The following NTM variants were observed in gnomAD, a reference collection of about 807,000 sequenced individuals.
NTM encodes the protein neurotrimin, also known as IgLON family member 2.
A neutral mutation model predicts 42.1 loss-of-function variants in NTM; 13 were observed. That is an observed-to-expected ratio of 0.31 (90% CI 0.20 to 0.49). The LOEUF (loss-of-function observed/expected upper bound fraction) is 0.49. Among genes scored for constraint, NTM ranks in the 20% least tolerant of loss-of-function variants. The pLI is 0.99. For synonymous variants in NTM, 187 were observed against 179.2 expected, an observed-to-expected ratio of 1.04 and a Z score of -0.35; for missense variants, 373 against 452.8, an observed-to-expected ratio of 0.82 and a Z score of 1.60.
chr11:132,170,275 A>T (rs1018132709), intron 3 of NTM, among the ~76,000 whole-genome samples: 1 of 152,244 alleles, frequency 6.6e-6, no homozygotes, highest in Non-Finnish European at 1.5e-5. Context: ...GGTCATGGGG[A>T]TTCCAGATCA....
intron 1 of NTM, among the ~76,000 whole-genome samples, chr11:131,613,531 C>T (rs572509574): frequency 9.9e-5 from 15 of 152,100 alleles, no homozygotes; most frequent in Non-Finnish European, 2.2e-4. Flanking sequence ...TATGATAAGA[C>T]GGGCGCTTCT....
chr11:131,647,063 C>T (rs1292271207), intron 1 of NTM, among the ~76,000 whole-genome samples: 2 of 152,130 alleles, frequency 1.3e-5, no homozygotes, highest in African/African-American at 2.4e-5. Context: ...CTCTTCGTAC[C>T]CTGGCTGTGC....
chr11:131,578,595 C>T (rs2058132374), intron 1 of NTM, among the ~76,000 whole-genome samples: 1 of 152,100 alleles, frequency 6.6e-6, no homozygotes, highest in Admixed American at 6.5e-5. Flanking sequence ...GAGAGTATGG[C>T]TTTTAAGGGC....
chr11:132,211,865 AC>A lies in NTM; in HGVS notation c.401-156del, dbSNP rs886766958. Reference sequence around the variant, plus strand: ...AAATCAAAGCTAAATTAAAGGTAAGACTTTTTTATGTTTAAGGTAATTCCTC... The same window carrying A: ...AAATCAAAGCTAAATTAAAGGTAAGATTTTTTATGTTTAAGGTAATTCCTC... On this transcript the variant is annotated intron_variant, in intron 3 of 8. Transcript: ENST00000683400. 3.2e-5 allele frequency: 19 copies of A among 594,356 alleles called. No individual in the cohort carries two copies. The African/African-American group carries it at 3.5e-4, about 11-fold the overall frequency. 36.8% of individuals were successfully genotyped at this position (594,356 alleles called of 1,614,324 possible). A position where few individuals can be genotyped will look rare whatever the true frequency, so the allele number is the denominator to read the frequency against.
At chr11:132,217,225 G>A (rs1210134500) in intron 4 of NTM, among the ~76,000 whole-genome samples, 2 of 152,044 alleles carry the variant, frequency 1.3e-5, no homozygotes, top group East Asian at 3.9e-4. Flanking sequence ...TATTTCAACT[G>A]TATATGAAAA....
At chr11:132,306,202 G>T (rs1276129483) in intron 4 of NTM, 3 of 152,128 alleles carry the variant, frequency 2.0e-5, no homozygotes, top group Non-Finnish European at 4.4e-5. Flanking sequence ...TGGTTATCTT[G>T]ACAAAACAGT....
At chr11:131,584,984 G>A (rs1365028270) in intron 1 of NTM, among the ~76,000 whole-genome samples, 1 of 150,926 alleles carries the variant, frequency 6.6e-6, no homozygotes, top group Non-Finnish European at 1.5e-5. Flanking sequence ...CAGCTGCTGA[G>A]AGGCCAAGGG....
chr11:131,633,998 G>C, intron 1 of NTM, among the ~76,000 whole-genome samples: 1 of 152,038 alleles, frequency 6.6e-6, no homozygotes, highest in East Asian at 1.9e-4. Flanking sequence ...CCAAAATCAT[G>C]AATATCCAAA....
chr11:132,332,733 T>G (rs1183394265), intron 8 of NTM: 1 of 152,266 alleles, frequency 6.6e-6, no homozygotes, highest in African/African-American at 2.4e-5. Flanking sequence ...GTCCCCAGCC[T>G]GGAAACAAGG....
intron 2 of NTM, chr11:131,922,246 T>C (rs1457070500): frequency 6.6e-6 from 1 of 152,646 alleles, no homozygotes; most frequent in Non-Finnish European, 1.5e-5. Context: ...TCTCGACATA[T>C]CCAGTTAGGG....
At chr11:131,684,470 T>C (rs2073531142) in intron 1 of NTM, among the ~76,000 whole-genome samples, 1 of 152,220 alleles carries the variant, frequency 6.6e-6, no homozygotes, top group East Asian at 1.9e-4. Flanking sequence ...CAGCATCCCC[T>C]GGTGCCCTCC....
chr11:131,668,312 C>T (rs2069471109), intron 1 of NTM, among the ~76,000 whole-genome samples: 1 of 151,702 alleles, frequency 6.6e-6, no homozygotes, highest in African/African-American at 2.4e-5. Flanking sequence ...ATATCTTCTA[C>T]AGCACTTACT....
chr11:131,815,680 G>C (rs1450282229), intron 1 of NTM, among the ~76,000 whole-genome samples: 9 of 152,110 alleles, frequency 5.9e-5, no homozygotes, highest in Admixed American at 5.9e-4. Flanking sequence ...TCAGGATCCA[G>C]CCTCTCCCTT....
chr11:132,305,677 C>G (rs760853490), intron 4 of NTM, among the ~76,000 whole-genome samples: 1 of 152,186 alleles, frequency 6.6e-6, no homozygotes, highest in Non-Finnish European at 1.5e-5. Flanking sequence ...AAGGACAACA[C>G]AAGAGGAATT....
chr11:131,425,322 T>A lies in NTM; in HGVS notation c.82+54434T>A, dbSNP rs79560969. 9.4e-3 allele frequency among the ~76,000 whole-genome samples: 1,432 copies of A among 152,272 alleles called. 14 individuals carry two copies. Among genetic ancestry groups the A allele is most frequent in the African/African-American group, 0.033 (1,354 of 41,544 alleles). On this transcript the variant is annotated intron_variant, in intron 1 of 8. Coordinates refer to ENST00000683400, the MANE Select transcript of NTM (RefSeq NM_001352005.2). ...TGGCCATAGTTTCCCAAAAACGCCCTATAGTTCCTGCCGCGAGTTACAAAC... is the reference window on the plus strand; with the variant it reads ...TGGCCATAGTTTCCCAAAAACGCCCAATAGTTCCTGCCGCGAGTTACAAAC...
chr11:131,821,349 G>T (rs1415517923), intron 1 of NTM, among the ~76,000 whole-genome samples: 1 of 152,148 alleles, frequency 6.6e-6, no homozygotes. Flanking sequence ...GTCCAGGCAG[G>T]GCAATTCCTG....
chr11:132,237,662 T>G (rs1224073402), intron 4 of NTM, among the ~76,000 whole-genome samples: 1 of 152,030 alleles, frequency 6.6e-6, no homozygotes, highest in Non-Finnish European at 1.5e-5. Context: ...AGTCCCTCTC[T>G]CTGGAACCCA....
intron 2 of NTM, among the ~76,000 whole-genome samples, chr11:132,079,936 G>T (rs1467739534): frequency 6.6e-6 from 1 of 152,064 alleles, no homozygotes; most frequent in Non-Finnish European, 1.5e-5. Context: ...TTGTAATTCT[G>T]TAGTTGATTT....
intron 1 of NTM, among the ~76,000 whole-genome samples, chr11:131,389,024 A>AAAG: frequency 1.1e-5 from 1 of 89,912 alleles, no homozygotes; most frequent in African/African-American, 4.6e-5. Flanking sequence ...AAAAAAAAAA[A>AAAG]AAAAGAAAAG....
Sources: allele counts gnomAD v4.1 joint callset (sites outside exome capture counted in the v4.1 genomes callset), GRCh38; gene constraint gnomAD v4.1.1; transcripts MANE v1.5; gene names NCBI Gene and HGNC (gene_info 2026-07-23, HGNC 2026-07-21).